The following ERBB4 variants were observed in gnomAD, a reference collection of about 807,000 sequenced individuals.
ERBB4 encodes the protein receptor tyrosine-protein kinase erbB-4.
Under a neutral mutation model 158.0 loss-of-function variants are expected in ERBB4, and 42 were observed. The observed-to-expected ratio is 0.27, with a 90% confidence interval of 0.21 to 0.34. The LOEUF is 0.34. ERBB4 is among the 10% of genes least tolerant of loss of function. The pLI is 1.00. For synonymous variants in ERBB4, 583 were observed against 558.7 expected (o/e 1.04, Z -0.61); for missense variants, 1,333 against 1,624.1 (o/e 0.82, Z 3.08).
chr2:212,155,686 C>G (rs1351948455), intron 1 of ERBB4, among the ~76,000 whole-genome samples: 2 of 152,050 alleles, frequency 1.3e-5, no homozygotes, highest in Non-Finnish European at 2.9e-5. Flanking sequence ...TCACTGAACT[C>G]TGATTGAAAT....
At chr2:211,566,059 G>A (rs1426446652) in intron 19 of ERBB4, among the ~76,000 whole-genome samples, 1 of 152,266 alleles carries the variant, frequency 6.6e-6, no homozygotes, top group East Asian at 1.9e-4. Flanking sequence ...TGGAAGTTCC[G>A]GGTGCACTTT....
At position 211,673,199 on chromosome 2, in the gene ERBB4, T is replaced by C; in HGVS notation, c.1681A>G (p.Lys561Glu). 1.2e-6 allele frequency: 2 copies of C among 1,613,782 alleles called. No individual in the cohort carries two copies. The highest frequency in any genetic ancestry group is 1.7e-6 in the Non-Finnish European group (2 of 1,179,796). ...CATGTGAGGAGGCCATCTTCCATCT[T>C]CTCACACTGGGGGTCACACTCCACA... is the stretch of plus-strand genomic sequence containing the variant. ...ICVECDPQCEKMEDGLLTCHG... is the reference protein window; with the variant it reads ...ICVECDPQCEEMEDGLLTCHG... Residue 561 changes from lysine (K) to glutamate (E), a missense_variant, in exon 14 of 28, where the codon AAG (lysine) becomes GAG (glutamate). Transcript: ENST00000342788.
intron 19 of ERBB4, among the ~76,000 whole-genome samples, chr2:211,589,204 AT>A (rs2068385877): frequency 6.6e-6 from 1 of 152,088 alleles, no homozygotes; most frequent in African/African-American, 2.4e-5. Context: ...CAAAATGTTC[AT>A]TTTTTTAGAT....
intron 1 of ERBB4, among the ~76,000 whole-genome samples, chr2:212,154,018 A>C (rs2080954103): frequency 6.6e-6 from 1 of 152,312 alleles, no homozygotes; most frequent in African/African-American, 2.4e-5. Flanking sequence ...TGCTTCAAAT[A>C]TCTAACAATA....
At chr2:211,829,916 G>A (rs1234647503) in intron 3 of ERBB4, among the ~76,000 whole-genome samples, 1 of 152,118 alleles carries the variant, frequency 6.6e-6, no homozygotes, top group Non-Finnish European at 1.5e-5. Flanking sequence ...CATTCTGAAT[G>A]GTCAGCAAAT....
At chr2:211,995,875 A>G (rs879377219) in intron 2 of ERBB4, among the ~76,000 whole-genome samples, 2 of 152,204 alleles carry the variant, frequency 1.3e-5, no homozygotes, top group Non-Finnish European at 2.9e-5. Flanking sequence ...TAGCACATAT[A>G]TACACTAGGG....
At chr2:212,459,933 C>T (rs920676297) in intron 1 of ERBB4, among the ~76,000 whole-genome samples, 7 of 152,104 alleles carry the variant, frequency 4.6e-5, no homozygotes, top group African/African-American at 1.4e-4. Flanking sequence ...TTGGCTGTGT[C>T]CCCACCCAAA....
chr2:212,187,560 A>G (rs569114309), intron 1 of ERBB4, among the ~76,000 whole-genome samples: 1 of 152,258 alleles, frequency 6.6e-6, no homozygotes, highest in African/African-American at 2.4e-5. Flanking sequence ...ACATTAGAAA[A>G]TACAAAAGTA....
intron 1 of ERBB4, among the ~76,000 whole-genome samples, chr2:212,136,350 A>G (rs1456836925): frequency 6.6e-6 from 1 of 152,202 alleles, no homozygotes; most frequent in African/African-American, 2.4e-5. Flanking sequence ...ATAATATGCA[A>G]TAGGCACTAT....
intron 1 of ERBB4, among the ~76,000 whole-genome samples, chr2:212,410,457 T>A (rs2091464716): frequency 6.6e-6 from 1 of 152,052 alleles, no homozygotes; most frequent in African/African-American, 2.4e-5. Flanking sequence ...CAGGAAATCA[T>A]ACGTTTTAGT....
chr2:211,759,858 T>A (rs2075367177), intron 4 of ERBB4, among the ~76,000 whole-genome samples: 1 of 152,016 alleles, frequency 6.6e-6, no homozygotes, highest in Non-Finnish European at 1.5e-5. Flanking sequence ...TAACACGATG[T>A]AATACTTTAT....
At chr2:211,824,276 G>A (rs1441272765) in intron 3 of ERBB4, among the ~76,000 whole-genome samples, 3 of 151,950 alleles carry the variant, frequency 2.0e-5, no homozygotes, top group Non-Finnish European at 4.4e-5. Context: ...CCCCTTAAAG[G>A]ACTGCTTAAT....
At chr2:212,214,892 A>G (rs1036951959) in intron 1 of ERBB4, among the ~76,000 whole-genome samples, 1 of 151,706 alleles carries the variant, frequency 6.6e-6, no homozygotes, top group Non-Finnish European at 1.5e-5. Flanking sequence ...AGATTACAGT[A>G]TATTCATACA....
chr2:211,460,643 C>G (rs1002097913), intron 20 of ERBB4, among the ~76,000 whole-genome samples: 1 of 152,058 alleles, frequency 6.6e-6, no homozygotes, highest in South Asian at 2.1e-4. Context: ...GTATTACAGA[C>G]AGTTTTTGTG....
chr2:212,000,246 C>T (rs932033583), intron 2 of ERBB4, among the ~76,000 whole-genome samples: 3 of 151,728 alleles, frequency 2.0e-5, no homozygotes, highest in Non-Finnish European at 3.0e-5. Context: ...GATAATACAG[C>T]CCAAGAGTTA....
chr2:212,166,785 C>T (rs2125661055), intron 1 of ERBB4, among the ~76,000 whole-genome samples: 1 of 152,148 alleles, frequency 6.6e-6, no homozygotes, highest in African/African-American at 2.4e-5. Flanking sequence ...AGAAATAACA[C>T]CACACATCTA....
At chr2:212,187,523 C>T (rs1375344988) in intron 1 of ERBB4, among the ~76,000 whole-genome samples, 1 of 151,560 alleles carries the variant, frequency 6.6e-6, no homozygotes, top group African/African-American at 2.4e-5. Context: ...ATAAATACTC[C>T]AAACTATGGA....
At chr2:212,523,615 T>A (rs542931380) in intron 1 of ERBB4, among the ~76,000 whole-genome samples, 11 of 151,990 alleles carry the variant, frequency 7.2e-5, no homozygotes, top group Admixed American at 6.6e-4. Flanking sequence ...GAAGAGCAGG[T>A]AGGATGATGA....
chr2:212,345,070 C>A (rs1192790816), intron 1 of ERBB4, among the ~76,000 whole-genome samples: 1 of 151,730 alleles, frequency 6.6e-6, no homozygotes, highest in Non-Finnish European at 1.5e-5. Context: ...TCGAGACCAT[C>A]CAGGCTAACA....
Sources: allele counts gnomAD v4.1 joint callset (sites outside exome capture counted in the v4.1 genomes callset), GRCh38; gene constraint gnomAD v4.1.1; transcripts MANE v1.5; gene names NCBI Gene and HGNC (gene_info 2026-07-23, HGNC 2026-07-21).